Variants in LNX1 observed in about 807,000 individuals in gnomAD.
LNX1 encodes E3 ubiquitin-protein ligase LNX.
Under a neutral mutation model 68.4 loss-of-function variants are expected in LNX1, and 54 were observed. That is an observed-to-expected ratio of 0.79 (90% confidence interval 0.63 to 0.99). LNX1 has a LOEUF of 0.99. Ranked by LOEUF, LNX1 falls within the 50% of genes least tolerant of loss-of-function variation. The pLI, the probability that LNX1 is intolerant of heterozygous loss-of-function variation, is 0.00. For missense variants in LNX1, 906 were observed against 926.4 expected, an observed-to-expected ratio of 0.98 and a Z score of 0.29; for synonymous variants, 336 against 350.0, an observed-to-expected ratio of 0.96 and a Z score of 0.45.
intron 2 of LNX1, among the ~76,000 whole-genome samples, chr4:53,563,009 A>G (rs1049398133): frequency 2.6e-5 from 4 of 152,184 alleles, no homozygotes; most frequent in African/African-American, 9.7e-5. Context: ...GATCGAGACC[A>G]TTCTGGCTAA....
intron 2 of LNX1, among the ~76,000 whole-genome samples, chr4:53,532,787 G>T (rs1728108342): frequency 6.6e-6 from 1 of 152,194 alleles, no homozygotes; most frequent in Admixed American, 6.5e-5. Flanking sequence ...GGGGCAGCAG[G>T]GCGATGGGTT....
chr4:53,640,975 C>T (rs929907803), intron 1 of LNX1, among the ~76,000 whole-genome samples: 2 of 152,142 alleles, frequency 1.3e-5, no homozygotes, highest in Admixed American at 1.3e-4. Context: ...GAGGCCTGGC[C>T]GTTGTTTGGG....
chr4:53,514,780 T>G (rs529056703), intron 2 of LNX1, among the ~76,000 whole-genome samples: 29 of 152,312 alleles, frequency 1.9e-4, no homozygotes, highest in Middle Eastern at 3.4e-3. Flanking sequence ...AGCATCTCAG[T>G]GTAAACACCA....
intron 9 of LNX1, among the ~76,000 whole-genome samples, chr4:53,467,396 C>A (rs990592578): frequency 2.0e-5 from 3 of 152,140 alleles, no homozygotes; most frequent in East Asian, 1.9e-4. Context: ...GGAGAAAAAA[C>A]AGAGCAGAAA....
rs75958584 is a variant in LNX1 at position 53,644,898 on chromosome 4, G to A, written c.-215+7270C>T. Among the ~76,000 whole-genome samples the A allele has an allele frequency of 3.3e-3, 509 of 152,276 alleles. 7 individuals are homozygous for A. The highest frequency in any genetic ancestry group is 0.012 in the African/African-American group (481 of 41,556). ...ACAGGGAGGAGGAAGTCTGGGTAAG[G>A]ATTACAAGTAGCACAGTCAAAATGC... On this transcript the variant is annotated intron_variant, in intron 1 of 2. Coordinates refer to the LNX1 transcript ENST00000507168.
intron 9 of LNX1, among the ~76,000 whole-genome samples, chr4:53,472,104 T>C (rs1430317625): frequency 6.6e-6 from 1 of 152,144 alleles, no homozygotes; most frequent in African/African-American, 2.4e-5. Flanking sequence ...CCAACAATGA[T>C]AGACTGGATT....
chr4:53,547,416 G>A (rs755464521), intron 2 of LNX1, among the ~76,000 whole-genome samples: 2 of 152,194 alleles, frequency 1.3e-5, no homozygotes, highest in Non-Finnish European at 2.9e-5. Context: ...CTCAGAGAAG[G>A]TAAGTAACCT....
At chr4:53,481,975 G>A (rs1723947439) in intron 6 of LNX1, 121 bp from the exon 7 acceptor site, 1 of 1,257,752 alleles carries the variant, frequency 8.0e-7, no homozygotes. Context: ...ATGATTTCTA[G>A]TTTGTTGGGT....
At chr4:53,608,584 C>A (rs570630578) in intron 2 of LNX1, among the ~76,000 whole-genome samples, 32 of 152,238 alleles carry the variant, frequency 2.1e-4, no homozygotes, top group African/African-American at 7.7e-4. Flanking sequence ...AGCAGGATTA[C>A]CATTCGACCC....
upstream of LNX1, among the ~76,000 whole-genome samples, chr4:53,619,960 C>G (rs941071337): frequency 5.9e-5 from 9 of 152,114 alleles, no homozygotes; most frequent in Non-Finnish European, 1.2e-4. Context: ...CAAATAAAAA[C>G]TGTGATTACA....
chr4:53,563,164 C>T (rs1278815191), intron 2 of LNX1, among the ~76,000 whole-genome samples: 3 of 151,982 alleles, frequency 2.0e-5, no homozygotes, highest in Admixed American at 1.3e-4. Flanking sequence ...TGAGATCGTG[C>T]CAGCCTGGGC....
At chr4:53,496,455 T>C in intron 5 of LNX1, 61 bp from the exon 6 acceptor site, 1 of 1,525,860 alleles carries the variant, frequency 6.6e-7, no homozygotes, top group African/African-American at 1.4e-5. Context: ...TCCTGAAAGA[T>C]CCAGGCCCAC....
chr4:53,546,572 G>A lies in LNX1; in HGVS notation c.380+27051C>T, dbSNP rs553928837. Among the ~76,000 whole-genome samples the A allele has an allele frequency of 5.3e-5, 8 of 152,304 alleles. No homozygotes were observed. In the South Asian group the frequency reaches 1.7e-3, roughly 32 times the overall value. On this transcript the variant is annotated intron_variant, in intron 2 of 10. Transcript: ENST00000263925. The stretch of plus-strand genomic sequence containing the variant: ...AAGGTCACATAGCTTGTTACTGGCA[G>A]GGCTGAGTCATTTGGGTAAATTATT...
chr4:53,497,037 C>A (rs1725121192), intron 5 of LNX1, among the ~76,000 whole-genome samples: 1 of 152,190 alleles, frequency 6.6e-6, no homozygotes, highest in East Asian at 1.9e-4. Context: ...ATGTTCTCAG[C>A]AAAAGGAAGA....
At position 53,508,053 on chromosome 4, in the gene LNX1, C is replaced by T. The variant is rs1327321913; in HGVS notation, c.555G>A (p.Val185=). The T allele has an allele frequency of 6.2e-7, 1 of 1,614,020 alleles. No individual in the cohort carries two copies. The highest frequency in any genetic ancestry group is 1.3e-5 in the African/African-American group (1 of 74,936). Residue 185 remains valine, a synonymous_variant, in exon 3 of 11, where the codon GTG becomes GTA. Coordinates refer to ENST00000263925, the MANE Select transcript of LNX1 (RefSeq NM_001126328.3). ...DEPGLDNPAY[V]SSAEDGQPAI... is the part of the protein sequence containing the mutation. ...CTGGCTGCCCGTCCTCTGCCGAGGA[C>T]ACGTAGGCAGGGTTGTCTAGGCCAG...
intron 6 of LNX1, among the ~76,000 whole-genome samples, chr4:53,492,849 C>T (rs960485408): frequency 1.3e-5 from 2 of 152,044 alleles, no homozygotes; most frequent in African/African-American, 4.8e-5. Flanking sequence ...GTTTGAGATG[C>T]CTTTGCCTTA....
At chr4:53,468,552 T>G (rs1166153650) in intron 9 of LNX1, among the ~76,000 whole-genome samples, 5 of 152,104 alleles carry the variant, frequency 3.3e-5, no homozygotes, top group Non-Finnish European at 4.4e-5. Context: ...ACTGGCAAAC[T>G]GGATAAAGTC....
chr4:53,481,471 A>T (rs1723908417), intron 7 of LNX1, among the ~76,000 whole-genome samples: 2 of 152,220 alleles, frequency 1.3e-5, no homozygotes, highest in African/African-American at 4.8e-5. Flanking sequence ...GCTAGAAATC[A>T]GGTCCCTGTA....
At chr4:53,564,216 C>T (rs767263916) in intron 2 of LNX1, among the ~76,000 whole-genome samples, 17 of 152,164 alleles carry the variant, frequency 1.1e-4, no homozygotes, top group Admixed American at 6.6e-4. Flanking sequence ...GGGGGTCACA[C>T]GGGCTGCATG....
Sources: allele counts gnomAD v4.1 joint callset (sites outside exome capture counted in the v4.1 genomes callset), GRCh38; gene constraint gnomAD v4.1.1; transcripts MANE v1.5; gene names NCBI Gene and HGNC (gene_info 2026-07-23, HGNC 2026-07-21).